Variants in GARIN1A observed in about 807,000 individuals in gnomAD.
GARIN1A encodes the protein golgi associated RAB2 interactor 1A.
the GARIN1A span, among the ~76,000 whole-genome samples, chr7:128,688,920 C>T: frequency 6.6e-6 from 1 of 151,160 alleles, no homozygotes; most frequent in African/African-American, 2.4e-5. Flanking sequence ...CCTGCCTCAG[C>T]CTGCCGAGTG....
the GARIN1A span, chr7:128,697,332 A>G: frequency 6.6e-6 from 1 of 152,378 alleles, no homozygotes; most frequent in Non-Finnish European, 1.5e-5. Context: ...GGTCCCGTGA[A>G]TCACAGCCAG....
chr7:128,705,978 T>C, the GARIN1A span, among the ~76,000 whole-genome samples: 4 of 152,036 alleles, frequency 2.6e-5, no homozygotes, highest in African/African-American at 7.2e-5. Flanking sequence ...CTGCTTCCAT[T>C]ATCCCTTCTA....
At chr7:128,695,427 G>A in the GARIN1A span, among the ~76,000 whole-genome samples, 2 of 152,320 alleles carry the variant, frequency 1.3e-5, no homozygotes, top group African/African-American at 4.8e-5. This position sits in a 1 kb window ranked among gnomAD's most constrained non-coding sequence, Gnocchi z 4.5. Context: ...GCATCTCCCC[G>A]GAATGGGGTC....
chr7:128,694,387 G>T, the GARIN1A span, among the ~76,000 whole-genome samples: 4 of 152,190 alleles, frequency 2.6e-5, no homozygotes, highest in East Asian at 7.7e-4. Flanking sequence ...ACAAAAATTA[G>T]CCAGGCATGG....
the GARIN1A span, chr7:128,690,886 T>C: frequency 6.6e-6 from 1 of 152,176 alleles, no homozygotes; most frequent in African/African-American, 2.4e-5. Flanking sequence ...GAGAGAGGAC[T>C]CTGCTAAATA....
the GARIN1A span, among the ~76,000 whole-genome samples, chr7:128,689,437 C>T: frequency 4.0e-5 from 6 of 151,704 alleles, no homozygotes; most frequent in East Asian, 3.9e-4. Context: ...CGCCTCTGCC[C>T]GGCCGTGACC....
chr7:128,695,499 T>A, the GARIN1A span, among the ~76,000 whole-genome samples: 5 of 152,326 alleles, frequency 3.3e-5, no homozygotes, highest in Admixed American at 3.3e-4. The surrounding 1 kb of genome is among the most constrained non-coding windows in gnomAD (Gnocchi z 4.5). Context: ...AAGTATAGAT[T>A]ACACCACTGC....
At chr7:128,688,263 G>A in the GARIN1A span, among the ~76,000 whole-genome samples, 4 of 152,242 alleles carry the variant, frequency 2.6e-5, no homozygotes, top group South Asian at 8.3e-4. Context: ...GCCCACCTCG[G>A]CCTCCCAAAG....
the GARIN1A span, chr7:128,685,313 C>T: frequency 0.063 from 9,674 of 152,366 alleles, 359 homozygotes; most frequent in Non-Finnish European, 0.077. Context: ...GACAAGTTAC[C>T]TGCCTTGAGG....
chr7:128,680,783 T>C, the GARIN1A span, among the ~76,000 whole-genome samples: 42 of 152,224 alleles, frequency 2.8e-4, no homozygotes, highest in Non-Finnish European at 5.1e-4. Flanking sequence ...GCCAGGCTGG[T>C]CTCGAACTCC....
At chr7:128,692,868 A>G in the GARIN1A span, among the ~76,000 whole-genome samples, 53 of 152,342 alleles carry the variant, frequency 3.5e-4, no homozygotes, top group Middle Eastern at 3.4e-3. Flanking sequence ...TTTAGAGAAA[A>G]CAAAACACAA....
chr7:128,699,108 A>G, the GARIN1A span, among the ~76,000 whole-genome samples: 1 of 152,176 alleles, frequency 6.6e-6, no homozygotes, highest in Non-Finnish European at 1.5e-5. Flanking sequence ...TGTCTCTTAT[A>G]TTTAACAAGG....
the GARIN1A span, among the ~76,000 whole-genome samples, chr7:128,699,271 C>T: frequency 1.0e-4 from 15 of 143,756 alleles, 2 homozygotes; most frequent in African/African-American, 3.8e-4. Flanking sequence ...CCCCCCCCCC[C>T]CCACCACCAA....
the GARIN1A span, among the ~76,000 whole-genome samples, chr7:128,696,581 A>T: frequency 6.6e-6 from 1 of 151,930 alleles, no homozygotes; most frequent in Admixed American, 6.6e-5. Flanking sequence ...TAATCCTAGC[A>T]CTCTGGGAGG....
chr7:128,686,436 G>A, the GARIN1A span: 1 of 152,078 alleles, frequency 6.6e-6, no homozygotes, highest in Non-Finnish European at 1.5e-5. Flanking sequence ...ACTTGCTTAA[G>A]GTCACACAGG....
the GARIN1A span, chr7:128,693,853 T>TG: frequency 6.3e-6 from 1 of 158,228 alleles, no homozygotes; most frequent in Non-Finnish European, 1.4e-5. Context: ...CTTTGTCACC[T>TG]GGGTCGGCTC....
At chr7:128,677,956 TATGA>T in the GARIN1A span, 2 of 613,988 alleles carry the variant, frequency 3.3e-6, no homozygotes, top group Middle Eastern at 9.4e-4. Flanking sequence ...TATTCAGTAG[TATGA>T]ATGAATTAAA....
the GARIN1A span, among the ~76,000 whole-genome samples, chr7:128,708,219 T>G: frequency 0.42 from 62,525 of 148,332 alleles, 13,722 homozygotes; most frequent in East Asian, 0.65. Context: ...TAGAGACAAG[T>G]TCTCACTATG....
the GARIN1A span, among the ~76,000 whole-genome samples, chr7:128,700,203 T>C: frequency 6.6e-6 from 1 of 152,176 alleles, no homozygotes; most frequent in Non-Finnish European, 1.5e-5. Flanking sequence ...ATTGTAGTTA[T>C]ATAATTTGTA....
Sources: gnomAD v4.1 joint callset for allele counts (sites outside exome capture counted in the v4.1 genomes callset) on GRCh38, gnomAD v4.1.1 for gene constraint, Gnocchi (gnomAD v3.1) non-coding constraint, MANE v1.5 for transcripts, NCBI Gene and HGNC (gene_info 2026-07-23, HGNC 2026-07-21) for gene names.